The following DLGAP2 variants were observed in gnomAD, a reference collection of about 807,000 sequenced individuals.
The protein encoded by DLGAP2 is disks large-associated protein 2.
In DLGAP2, 26 loss-of-function variants were observed where a neutral mutation model predicts 100.3. The ratio of observed to expected loss-of-function variants is 0.26; its 90% CI spans 0.19 to 0.36. DLGAP2 has a LOEUF of 0.36. Ranked by LOEUF, DLGAP2 falls within the 10% of genes least tolerant of loss-of-function variation. The probability of loss-of-function intolerance (pLI) is 1.00; values close to 1 mark genes in which losing one functional copy is unlikely to be tolerated. For missense variants in DLGAP2, 1,858 were observed against 1,453.2 expected (o/e 1.28, Z -4.53); for synonymous variants, 886 against 630.1 (o/e 1.41, Z -6.08).
chr8:1,657,369 G>C (rs903093700), intron 8 of DLGAP2, among the ~76,000 whole-genome samples: 3 of 152,208 alleles, frequency 2.0e-5, no homozygotes, highest in Non-Finnish European at 2.9e-5. Context: ...ATAAGGATTA[G>C]TTGTGATAAA....
intron 6 of DLGAP2, among the ~76,000 whole-genome samples, chr8:1,601,212 A>T (rs1293846733): frequency 6.6e-6 from 1 of 152,240 alleles, no homozygotes; most frequent in Non-Finnish European, 1.5e-5. Flanking sequence ...GTTGCCGAAC[A>T]GCAAAGATTG....
intron 2 of DLGAP2, among the ~76,000 whole-genome samples, chr8:946,694 C>T (rs1294394343): frequency 6.6e-6 from 1 of 152,156 alleles, no homozygotes; most frequent in African/African-American, 2.4e-5. Flanking sequence ...AGGTGGCTGC[C>T]ACCGCAAAGC....
At chr8:1,520,158 T>A (rs952605079) in intron 4 of DLGAP2, among the ~76,000 whole-genome samples, 19 of 152,178 alleles carry the variant, frequency 1.2e-4, no homozygotes, top group African/African-American at 4.3e-4. Flanking sequence ...TTAGTGATTA[T>A]CTGACGAGAT....
intron 1 of DLGAP2, among the ~76,000 whole-genome samples, chr8:868,481 G>A (rs1797538403): frequency 6.6e-6 from 1 of 152,212 alleles, no homozygotes; most frequent in Non-Finnish European, 1.5e-5. Flanking sequence ...CGCACGGTGA[G>A]CCGTGCACTG....
chr8:943,031 A>G (rs1435835222), intron 2 of DLGAP2, among the ~76,000 whole-genome samples: 3 of 152,188 alleles, frequency 2.0e-5, no homozygotes, highest in Admixed American at 6.5e-5. Context: ...ACATGGGCAT[A>G]TTGAGCTTGC....
chr8:778,426 T>A (rs911181769), intron 1 of DLGAP2, among the ~76,000 whole-genome samples: 12 of 152,232 alleles, frequency 7.9e-5, no homozygotes, highest in Admixed American at 1.3e-4. Flanking sequence ...GGCGCTCTGC[T>A]TTTTAGAGTT....
chr8:837,470 C>A (rs1796900288), intron 1 of DLGAP2, among the ~76,000 whole-genome samples: 1 of 152,150 alleles, frequency 6.6e-6, no homozygotes, highest in Non-Finnish European at 1.5e-5. Context: ...AATTATTTCT[C>A]AGAATCCTTC....
chr8:978,893 G>T (rs1490189136), intron 2 of DLGAP2, among the ~76,000 whole-genome samples: 1 of 152,200 alleles, frequency 6.6e-6, no homozygotes, highest in Non-Finnish European at 1.5e-5. Flanking sequence ...AGCCAAAAAT[G>T]TATGACATAT....
chr8:1,515,739 C>T (rs990932247), intron 4 of DLGAP2, among the ~76,000 whole-genome samples: 1 of 123,650 alleles, frequency 8.1e-6, no homozygotes, highest in African/African-American at 2.9e-5. Flanking sequence ...CACACTCACA[C>T]ACTTGTATGC....
chr8:1,464,317 A>C (rs796302952), intron 3 of DLGAP2, among the ~76,000 whole-genome samples: 3 of 32,800 alleles, frequency 9.1e-5, no homozygotes, highest in Non-Finnish European at 1.6e-4. Context: ...TTCCAGGACA[A>C]CGCCCTTCCA....
chr8:1,132,931 G>A (rs34650047), intron 2 of DLGAP2, among the ~76,000 whole-genome samples: 19,250 of 152,212 alleles, frequency 0.13, 1,491 homozygotes, highest in South Asian at 0.2. Flanking sequence ...ATGTTAACTC[G>A]CTAGAAAGAC....
intron 3 of DLGAP2, among the ~76,000 whole-genome samples, chr8:1,483,643 A>G (rs1325989543): frequency 2.8e-5 from 1 of 35,218 alleles, no homozygotes; most frequent in African/African-American, 1.3e-4. Flanking sequence ...AGGGAGCAGG[A>G]CCTGAGGGCG....
At chr8:1,188,175 TCA>T (rs1229958071) in intron 2 of DLGAP2, among the ~76,000 whole-genome samples, 1 of 136,508 alleles carries the variant, frequency 7.3e-6, no homozygotes, top group Admixed American at 7.3e-5. Context: ...TCACGGAATC[TCA>T]CACGCCCGGG....
intron 1 of DLGAP2, among the ~76,000 whole-genome samples, chr8:772,693 G>T (rs1014701293): frequency 1.3e-5 from 2 of 152,186 alleles, no homozygotes; most frequent in Non-Finnish European, 2.9e-5. Flanking sequence ...TGAGACACTT[G>T]CAGCCCATCT....
At chr8:1,359,238 G>A (rs913469345) in intron 3 of DLGAP2, among the ~76,000 whole-genome samples, 3 of 152,128 alleles carry the variant, frequency 2.0e-5, no homozygotes, top group Non-Finnish European at 4.4e-5. Flanking sequence ...CCACCTCCCG[G>A]GACGCATCCC....
At chr8:767,614 C>T (rs1026045450) in intron 1 of DLGAP2, among the ~76,000 whole-genome samples, 7 of 152,120 alleles carry the variant, frequency 4.6e-5, no homozygotes, top group African/African-American at 1.7e-4. Context: ...CTTGGCCTCC[C>T]AAAGTGCTGG....
At chr8:1,249,446 C>T (rs1038641255) in intron 2 of DLGAP2, among the ~76,000 whole-genome samples, 5 of 152,200 alleles carry the variant, frequency 3.3e-5, no homozygotes, top group Non-Finnish European at 7.3e-5. Flanking sequence ...TTCTGTTTCT[C>T]TGCTCTTATC....
chr8:746,921 G>C (rs1036934235), intron 1 of DLGAP2, among the ~76,000 whole-genome samples: 4 of 152,206 alleles, frequency 2.6e-5, no homozygotes, highest in Non-Finnish European at 5.9e-5. Context: ...TGTCGGCCCT[G>C]CAGGCGTGAT....
intron 6 of DLGAP2, among the ~76,000 whole-genome samples, chr8:1,607,509 T>G (rs377721305): frequency 2.6e-5 from 4 of 152,246 alleles, no homozygotes; most frequent in Non-Finnish European, 4.4e-5. Flanking sequence ...TAAAGCAATT[T>G]GAGGAAAATA....
Sources: allele counts gnomAD v4.1 joint callset (sites outside exome capture counted in the v4.1 genomes callset), GRCh38; gene constraint gnomAD v4.1.1; transcripts MANE v1.5; gene names NCBI Gene and HGNC (gene_info 2026-07-23, HGNC 2026-07-21).